TAFA1: variants seen among roughly 807,000 people sequenced by gnomAD.
TAFA1 encodes chemokine-like protein TAFA-1.
Under a neutral mutation model 18.5 loss-of-function variants are expected in TAFA1, and 4 were observed. The observed-to-expected ratio is 0.22, with a 90% CI of 0.11 to 0.49. TAFA1 has a LOEUF of 0.49. Ranked by LOEUF, TAFA1 falls within the 20% of genes least tolerant of loss-of-function variation. The probability of loss-of-function intolerance (pLI) is 0.98; values close to 1 mark genes in which losing one functional copy is unlikely to be tolerated. For missense variants in TAFA1, 147 were observed against 169.0 expected (o/e 0.87, Z 0.72); for synonymous variants, 56 against 55.2 (o/e 1.01, Z -0.06).
At chr3:68,270,852 A>G (rs1575733533) in intron 2 of TAFA1, among the ~76,000 whole-genome samples, 1 of 152,182 alleles carries the variant, frequency 6.6e-6, no homozygotes, top group East Asian at 1.9e-4. Flanking sequence ...CCTGGGGGGC[A>G]TTTAGCATAC....
intron 2 of TAFA1, among the ~76,000 whole-genome samples, chr3:68,094,254 G>A (rs2065060961): frequency 6.6e-6 from 1 of 152,008 alleles, no homozygotes; most frequent in Non-Finnish European, 1.5e-5. Flanking sequence ...TGGGTTTGTG[G>A]GTGTTGTTAT....
chr3:68,083,432 G>T (rs1683175950), intron 2 of TAFA1, among the ~76,000 whole-genome samples: 1 of 152,248 alleles, frequency 6.6e-6, no homozygotes, highest in African/African-American at 2.4e-5. Flanking sequence ...ACTCCACAAA[G>T]TGATCATTAT....
At chr3:68,067,795 A>T (rs151247594) in intron 2 of TAFA1, among the ~76,000 whole-genome samples, 1 of 151,232 alleles carries the variant, frequency 6.6e-6, no homozygotes, top group Non-Finnish European at 1.5e-5. Flanking sequence ...ACATTTACTG[A>T]TTGCCTATTC....
At chr3:68,244,830 T>C (rs1230898572) in intron 2 of TAFA1, among the ~76,000 whole-genome samples, 2 of 152,212 alleles carry the variant, frequency 1.3e-5, no homozygotes, top group African/African-American at 4.8e-5. Context: ...AAAAAATGCG[T>C]GCAGGGTATT....
At chr3:68,191,811 C>T (rs2066343938) in intron 2 of TAFA1, among the ~76,000 whole-genome samples, 1 of 151,802 alleles carries the variant, frequency 6.6e-6, no homozygotes, top group Admixed American at 6.6e-5. Context: ...CTGATTTTCA[C>T]TGTGGGTAAT....
intron 2 of TAFA1, among the ~76,000 whole-genome samples, chr3:68,263,080 G>A (rs2067467635): frequency 6.6e-6 from 1 of 152,034 alleles, no homozygotes; most frequent in African/African-American, 2.4e-5. Context: ...TTACTCATGG[G>A]GTTGGAAGTT....
chr3:68,522,156 A>G (rs1273144590), intron 3 of TAFA1, among the ~76,000 whole-genome samples: 4 of 151,924 alleles, frequency 2.6e-5, no homozygotes, highest in Non-Finnish European at 5.9e-5. Context: ...AAAACTTTTC[A>G]GTTATTTATA....
intron 2 of TAFA1, among the ~76,000 whole-genome samples, chr3:68,262,371 T>C (rs2067452283): frequency 7.8e-6 from 1 of 128,962 alleles, no homozygotes; most frequent in Admixed American, 8.1e-5. Context: ...CATGGGTATA[T>C]TGAACCCAGC....
chr3:68,108,059 G>A (rs892840258), intron 2 of TAFA1, among the ~76,000 whole-genome samples: 1 of 152,020 alleles, frequency 6.6e-6, no homozygotes, highest in South Asian at 2.1e-4. Context: ...ATCACATTAT[G>A]TTCTAATACT....
chr3:68,361,236 G>A (rs763149079), intron 2 of TAFA1, among the ~76,000 whole-genome samples: 6 of 151,890 alleles, frequency 4.0e-5, no homozygotes, highest in Non-Finnish European at 7.4e-5. Context: ...GTGAAAAACC[G>A]AACACAGAAA....
At chr3:68,209,113 T>A (rs1490362959) in intron 2 of TAFA1, among the ~76,000 whole-genome samples, 1 of 151,996 alleles carries the variant, frequency 6.6e-6, no homozygotes, top group African/African-American at 2.4e-5. Context: ...TGCAAGGAAA[T>A]GAATTCTGCC....
chr3:68,385,353 T>C (rs1559645005), intron 2 of TAFA1, among the ~76,000 whole-genome samples: 1 of 152,082 alleles, frequency 6.6e-6, no homozygotes, highest in Non-Finnish European at 1.5e-5. Flanking sequence ...AAGACTAAAG[T>C]ACTTGCTAAA....
At chr3:68,500,531 C>T (rs2072638707) in intron 3 of TAFA1, among the ~76,000 whole-genome samples, 1 of 152,030 alleles carries the variant, frequency 6.6e-6, no homozygotes, top group African/African-American at 2.4e-5. Flanking sequence ...AGCAACAATC[C>T]ACTGACTAAG....
At chr3:68,429,275 G>C (rs1327733837) in intron 3 of TAFA1, among the ~76,000 whole-genome samples, 1 of 151,868 alleles carries the variant, frequency 6.6e-6, no homozygotes. Context: ...AATTTTACTG[G>C]TTTGTAGTTA....
chr3:68,060,040 G>T, intron 2 of TAFA1, among the ~76,000 whole-genome samples: 1 of 151,764 alleles, frequency 6.6e-6, no homozygotes, highest in South Asian at 2.1e-4. Flanking sequence ...AAAGGGGCTT[G>T]CTCCATGTAT....
chr3:68,479,887 C>A (rs935804178), intron 3 of TAFA1, among the ~76,000 whole-genome samples: 1 of 152,076 alleles, frequency 6.6e-6, no homozygotes, highest in African/African-American at 2.4e-5. Flanking sequence ...CATACACACA[C>A]ACACACACAA....
At chr3:68,060,073 A>G (rs1446043678) in intron 2 of TAFA1, among the ~76,000 whole-genome samples, 1 of 151,804 alleles carries the variant, frequency 6.6e-6, no homozygotes, top group Non-Finnish European at 1.5e-5. Flanking sequence ...CTGAAGGAAA[A>G]AAAAAACACA....
intron 3 of TAFA1, among the ~76,000 whole-genome samples, chr3:68,462,291 G>A (rs541851630): frequency 2.1e-4 from 32 of 152,146 alleles, no homozygotes; most frequent in East Asian, 3.9e-4. Context: ...CCTACATGGC[G>A]CGGGATGGAC....
chr3:68,371,507 G>C (rs556501383), intron 2 of TAFA1, among the ~76,000 whole-genome samples: 2 of 152,228 alleles, frequency 1.3e-5, no homozygotes, highest in South Asian at 2.1e-4. Context: ...TTAGTTTGCT[G>C]AGAATGATGG....
Sources: allele counts gnomAD v4.1 joint callset (sites outside exome capture counted in the v4.1 genomes callset), GRCh38; gene constraint gnomAD v4.1.1; transcripts MANE v1.5; gene names NCBI Gene and HGNC (gene_info 2026-07-23, HGNC 2026-07-21).